KCNK10: variants seen among roughly 807,000 people sequenced by gnomAD.
KCNK10 encodes the protein potassium channel subfamily K member 10.
Under a neutral mutation model 47.7 loss-of-function variants are expected in KCNK10, and 25 were observed. That is an observed-to-expected ratio of 0.52 (90% CI 0.38 to 0.73). The LOEUF is 0.73. Among genes scored for constraint, KCNK10 ranks in the 30% least tolerant of loss-of-function variants. The pLI is 0.00. For missense variants in KCNK10, 563 were observed against 714.5 expected (o/e 0.79, Z 2.42); for synonymous variants, 303 against 285.6 (o/e 1.06, Z -0.61).
Position 88,186,132 on chromosome 14 carries a change from C to T in KCNK10, c.1035G>A (p.Ala345=), listed in dbSNP as rs144976232. The T allele has an allele frequency of 6.6e-5, 106 of 1,594,244 alleles. No individual in the cohort carries two copies. In the African/African-American group the frequency reaches 7.0e-4, roughly 10 times the overall value. ...KEEVGEIKAH[A]AEWKANVTAE... Reference sequence around the variant, plus strand: ...CCGTGACATTGGCCTTCCACTCTGCCGCATGGGCCTTGATTTCACCCACCT... The same window carrying T: ...CCGTGACATTGGCCTTCCACTCTGCTGCATGGGCCTTGATTTCACCCACCT... The change falls in exon 7 of 7, where the codon GCG becomes GCA. Residue 345 remains alanine, a synonymous_variant. Coordinates refer to ENST00000319231, the MANE Select transcript of KCNK10 (RefSeq NM_138317.3). This position sits in a 1 kb window ranked among gnomAD's most constrained non-coding sequence, Gnocchi z 5.5.
chr14:88,227,887 C>G (rs1402277865), intron 3 of KCNK10, among the ~76,000 whole-genome samples: 7 of 152,174 alleles, frequency 4.6e-5, no homozygotes, highest in Non-Finnish European at 1.0e-4. Context: ...GAAGGAATCA[C>G]CACTGCACTT....
intron 5 of KCNK10, among the ~76,000 whole-genome samples, chr14:88,190,548 G>A (rs558547654): frequency 4.6e-5 from 7 of 152,230 alleles, no homozygotes; most frequent in Admixed American, 2.0e-4. Flanking sequence ...AGCACTGTGC[G>A]TAAGGGGAAA....
chr14:88,326,520 T>G, upstream of KCNK10: 1 of 1,307,272 alleles, frequency 7.6e-7, no homozygotes, highest in Non-Finnish European at 1.1e-6. Flanking sequence ...CCATGGCTAT[T>G]GCTTCAGGCG....
At chr14:88,271,313 T>C (rs1463851562) in intron 1 of KCNK10, among the ~76,000 whole-genome samples, 10 of 152,326 alleles carry the variant, frequency 6.6e-5, no homozygotes, top group Middle Eastern at 3.4e-3. Context: ...ATTTATGGTA[T>C]CAAGTTCACA....
chr14:88,263,130 A>T (rs1288664049), intron 2 of KCNK10, 72 bp downstream of exon 2: 1 of 1,244,146 alleles, frequency 8.0e-7, no homozygotes, highest in Non-Finnish European at 1.1e-6. Context: ...AAGACTAGAG[A>T]CCCAGAAAGA....
chr14:88,302,178 G>A (rs1049925655), intron 1 of KCNK10, among the ~76,000 whole-genome samples: 6 of 152,120 alleles, frequency 3.9e-5, no homozygotes, highest in Non-Finnish European at 7.3e-5. Flanking sequence ...GATAGATGGC[G>A]GTGCCCATCA....
intron 1 of KCNK10, among the ~76,000 whole-genome samples, chr14:88,281,281 A>C (rs916033683): frequency 6.6e-6 from 1 of 152,132 alleles, no homozygotes; most frequent in African/African-American, 2.4e-5. Flanking sequence ...TGACTACTCT[A>C]AGTAGCCTAG....
chr14:88,271,697 T>C (rs1167464583), intron 1 of KCNK10, among the ~76,000 whole-genome samples: 6 of 152,150 alleles, frequency 3.9e-5, no homozygotes, highest in African/African-American at 1.2e-4. Flanking sequence ...GAATTTACCC[T>C]GAGTCTGCCT....
chr14:88,224,618 T>G (rs754468715), intron 4 of KCNK10, among the ~76,000 whole-genome samples: 1 of 152,230 alleles, frequency 6.6e-6, no homozygotes, highest in Non-Finnish European at 1.5e-5. Flanking sequence ...TATTTATTGA[T>G]TGATTGATTA....
At chr14:88,306,942 T>A (rs924822642) in intron 1 of KCNK10, among the ~76,000 whole-genome samples, 3 of 152,166 alleles carry the variant, frequency 2.0e-5, no homozygotes, top group Admixed American at 2.0e-4. Context: ...CATGAAACCA[T>A]ATCCCCCTCA....
At chr14:88,205,670 G>A (rs61975828) in intron 4 of KCNK10, among the ~76,000 whole-genome samples, 1 of 148,940 alleles carries the variant, frequency 6.7e-6, no homozygotes, top group Admixed American at 6.8e-5. Flanking sequence ...TCAGCCTCCC[G>A]AGTAGCTGGG....
intron 2 of KCNK10, among the ~76,000 whole-genome samples, chr14:88,243,014 A>G (rs1221166824): frequency 6.6e-6 from 1 of 152,274 alleles, no homozygotes; most frequent in African/African-American, 2.4e-5. Context: ...CAAACCCAGC[A>G]CTGCAAACAA....
chr14:88,310,241 A>G (rs201038677), intron 1 of KCNK10, among the ~76,000 whole-genome samples: 4 of 9,324 alleles, frequency 4.3e-4, no homozygotes, highest in Admixed American at 1.5e-3. Flanking sequence ...TATACCATAT[A>G]AATGATATGC....
intron 4 of KCNK10, among the ~76,000 whole-genome samples, chr14:88,200,117 A>C (rs1885057638): frequency 8.5e-6 from 1 of 118,222 alleles, no homozygotes. Flanking sequence ...TTCTTTCCAT[A>C]TTTATCTCTC....
At chr14:88,228,602 G>A (rs1055706938) in intron 3 of KCNK10, among the ~76,000 whole-genome samples, 2 of 152,156 alleles carry the variant, frequency 1.3e-5, no homozygotes, top group Admixed American at 6.5e-5. Flanking sequence ...CAATGAGTGA[G>A]TTATTGGGTC....
rs1009575264 is a variant in KCNK10, at chr14:88,186,570, C to T, written c.1012-415G>A. Among the ~76,000 whole-genome samples the T allele has an allele frequency of 2.0e-5, 3 of 152,204 alleles. No individual in the cohort carries two copies. The highest frequency in any genetic ancestry group is 7.2e-5 in the African/African-American group (3 of 41,454). On this transcript the variant is annotated intron_variant, in intron 6 of 6. Coordinates refer to ENST00000319231, the MANE Select transcript of KCNK10 (RefSeq NM_138317.3). This position sits in a 1 kb window ranked among gnomAD's most constrained non-coding sequence, Gnocchi z 5.5. ...GCTCACCTGAGACAAGGAAATGCAC[C>T]TCACTCAGTCCTGGGCACAGCAGAT...
intron 1 of KCNK10, among the ~76,000 whole-genome samples, chr14:88,296,646 A>G (rs886227293): frequency 6.6e-6 from 1 of 152,184 alleles, no homozygotes; most frequent in African/African-American, 2.4e-5. Context: ...GACATGAGGC[A>G]TCGGAAAATG....
chr14:88,212,132 C>CGA (rs56111427), intron 4 of KCNK10, among the ~76,000 whole-genome samples: 23 of 118,720 alleles, frequency 1.9e-4, no homozygotes, highest in East Asian at 9.1e-4. Flanking sequence ...ATATATATAT[C>CGA]GAGAGAGAGA....
intron 1 of KCNK10, among the ~76,000 whole-genome samples, chr14:88,264,586 C>A (rs1887204842): frequency 6.6e-6 from 1 of 152,164 alleles, no homozygotes; most frequent in African/African-American, 2.4e-5. Flanking sequence ...GTTCAAAACA[C>A]CTGGCTGTAG....
Sources: allele counts gnomAD v4.1 joint callset (sites outside exome capture counted in the v4.1 genomes callset), GRCh38; gene constraint gnomAD v4.1.1; non-coding constraint Gnocchi (gnomAD v3.1); transcripts MANE v1.5; gene names NCBI Gene and HGNC (gene_info 2026-07-23, HGNC 2026-07-21).